SLC25A28: variants seen among roughly 807,000 people sequenced by gnomAD.
The protein encoded by SLC25A28 is solute carrier family 25 member 28.
A neutral mutation model predicts 31.9 loss-of-function variants in SLC25A28; 10 were observed. The ratio of observed to expected loss-of-function variants is 0.31; its 90% confidence interval spans 0.19 to 0.53. SLC25A28 has a LOEUF of 0.53. SLC25A28 is among the 20% of genes least tolerant of loss of function. SLC25A28 has a pLI of 0.95. For missense variants in SLC25A28, 256 were observed against 490.3 expected (o/e 0.52, Z 4.51); for synonymous variants, 208 against 203.6 (o/e 1.02, Z -0.19).
chr10:99,657,613 A>G, the SLC25A28 span, among the ~76,000 whole-genome samples: 11 of 152,304 alleles, frequency 7.2e-5, no homozygotes, highest in African/African-American at 2.4e-4. Flanking sequence ...CTGAATATAG[A>G]AACTGGACAA....
the SLC25A28 span, among the ~76,000 whole-genome samples, chr10:99,646,826 C>T: frequency 6.6e-6 from 1 of 152,188 alleles, no homozygotes; most frequent in East Asian, 1.9e-4. Flanking sequence ...CCTCCTCCTA[C>T]CCTCCCACCT....
chr10:99,626,531 T>A, the SLC25A28 span, among the ~76,000 whole-genome samples: 4 of 152,250 alleles, frequency 2.6e-5, no homozygotes, highest in Non-Finnish European at 4.4e-5. Flanking sequence ...TGTCCTTTTA[T>A]CTTACAAAAG....
the SLC25A28 span, among the ~76,000 whole-genome samples, chr10:99,628,272 A>G: frequency 6.6e-6 from 1 of 152,188 alleles, no homozygotes; most frequent in Non-Finnish European, 1.5e-5. Context: ...AATACTCCTC[A>G]TTTACTCATG....
At chr10:99,646,299 C>T in the SLC25A28 span, among the ~76,000 whole-genome samples, 111 of 152,316 alleles carry the variant, frequency 7.3e-4, 1 homozygote, top group East Asian at 9.3e-3. Flanking sequence ...CCTTGCAGTT[C>T]GATCTCAGAC....
At chr10:99,623,030 T>A (rs1331925297), upstream of SLC25A28, among the ~76,000 whole-genome samples, 1 of 152,044 alleles carries the variant, frequency 6.6e-6, no homozygotes, top group African/African-American at 2.4e-5. Context: ...TAGGGTGGTA[T>A]GATATAGTGT....
chr10:99,615,547 T>C (rs1038769614), intron 1 of SLC25A28: 12 of 985,336 alleles, frequency 1.2e-5, no homozygotes, highest in Non-Finnish European at 1.4e-5. Context: ...GCTTAAAAGG[T>C]TAGTTACTGG....
chr10:99,651,594 C>CTTTTTTTTCTT, the SLC25A28 span, among the ~76,000 whole-genome samples: 2 of 110,174 alleles, frequency 1.8e-5, no homozygotes, highest in African/African-American at 6.8e-5. Flanking sequence ...TTTTTCTTTT[C>CTTTTTTTTCTT]TTTTTTTTTT....
upstream of SLC25A28, among the ~76,000 whole-genome samples, chr10:99,625,116 C>G (rs2034858948): frequency 6.6e-6 from 1 of 151,862 alleles, no homozygotes; most frequent in Non-Finnish European, 1.5e-5. Context: ...GGTTCGTGGT[C>G]TCGCTGACTT....
At chr10:99,631,394 C>T in the SLC25A28 span, among the ~76,000 whole-genome samples, 2 of 152,100 alleles carry the variant, frequency 1.3e-5, no homozygotes, top group African/African-American at 4.8e-5. Context: ...GTGAAACCAG[C>T]TTTCAAACAC....
At position 99,613,470 on chromosome 10, in the gene SLC25A28, G is replaced by A; in HGVS notation, c.520+226C>T. On this transcript the variant is annotated intron_variant, in intron 2 of 3. Coordinates refer to ENST00000370495, the MANE Select transcript of SLC25A28 (RefSeq NM_031212.4). This position sits in a 1 kb window ranked among gnomAD's most constrained non-coding sequence, Gnocchi z 4.9. ...TGAGAGGAACAAGTCAAGCTGGTAGGTAAGGGAGGATACTGTAACCCTTTG... is the reference window on the plus strand; with the variant it reads ...TGAGAGGAACAAGTCAAGCTGGTAGATAAGGGAGGATACTGTAACCCTTTG... 1.4e-6 allele frequency: 2 copies of A among 1,410,210 alleles called. No homozygotes were observed. The highest frequency in any genetic ancestry group is 1.8e-6 in the Non-Finnish European group (2 of 1,084,666). The allele number at this position is 1,410,210 out of a possible 1,614,324, so 87.4% of individuals were successfully genotyped here.
the SLC25A28 span, among the ~76,000 whole-genome samples, chr10:99,651,159 C>T: frequency 6.6e-6 from 1 of 152,170 alleles, no homozygotes; most frequent in African/African-American, 2.4e-5. Flanking sequence ...TGCTTCCCAT[C>T]ACTTCTCTGG....
the SLC25A28 span, among the ~76,000 whole-genome samples, chr10:99,630,822 G>A: frequency 1.3e-5 from 2 of 152,174 alleles, no homozygotes; most frequent in South Asian, 4.1e-4. Flanking sequence ...CAACTGGGAT[G>A]TGTGAGATGA....
At chr10:99,634,768 C>T in the SLC25A28 span, among the ~76,000 whole-genome samples, 4 of 152,298 alleles carry the variant, frequency 2.6e-5, no homozygotes, top group East Asian at 3.9e-4. Flanking sequence ...GAGACCTAGA[C>T]ATCCAAATAC....
intron 2 of SLC25A28, 156 bp from the exon 3 acceptor site, chr10:99,612,755 C>T: frequency 1.3e-6 from 1 of 768,896 alleles, no homozygotes; most frequent in Non-Finnish European, 2.2e-6. Flanking sequence ...CTCCTAAACT[C>T]CTGTTTAAGA....
At chr10:99,620,528 C>G, upstream of SLC25A28, 1 of 1,032,798 alleles carries the variant, frequency 9.7e-7, no homozygotes, top group Non-Finnish European at 1.2e-6. Flanking sequence ...CCTTTCCTTA[C>G]GTACGAAAAA....
At chr10:99,620,943 G>C, upstream of SLC25A28, 1 of 958,150 alleles carries the variant, frequency 1.0e-6, no homozygotes, top group Non-Finnish European at 1.2e-6. Flanking sequence ...GCGCCGTTAC[G>C]ACCCGCGCTC....
At chr10:99,612,419 A>C in intron 3 of SLC25A28, 124 bp downstream of exon 3, 2 of 1,067,908 alleles carry the variant, frequency 1.9e-6, no homozygotes, top group South Asian at 1.5e-5. Flanking sequence ...ACATGGAGGG[A>C]GCACCCTCTA....
the SLC25A28 span, among the ~76,000 whole-genome samples, chr10:99,640,736 C>T: frequency 6.6e-6 from 1 of 151,306 alleles, no homozygotes; most frequent in Non-Finnish European, 1.5e-5. Flanking sequence ...TCATGACAGG[C>T]CCCGGTGTGT....
the SLC25A28 span, among the ~76,000 whole-genome samples, chr10:99,658,428 C>T: frequency 6.6e-6 from 1 of 152,186 alleles, no homozygotes; most frequent in Admixed American, 6.5e-5. Flanking sequence ...TCCCTGCCTT[C>T]AAGGATATTC....
Sources: gnomAD v4.1 joint callset for allele counts (sites outside exome capture counted in the v4.1 genomes callset) on GRCh38, gnomAD v4.1.1 for gene constraint, Gnocchi (gnomAD v3.1) non-coding constraint, MANE v1.5 for transcripts, NCBI Gene and HGNC (gene_info 2026-07-23, HGNC 2026-07-21) for gene names.